CPNE9: variants seen among roughly 807,000 people sequenced by gnomAD.
CPNE9 encodes the protein copine family member 9.
Under a neutral mutation model 83.0 loss-of-function variants are expected in CPNE9, and 59 were observed. The ratio of observed to expected loss-of-function variants is 0.71; its 90% CI spans 0.58 to 0.88. The LOEUF (loss-of-function observed/expected upper bound fraction) is 0.88, where lower values mean the gene tolerates loss of function less well. CPNE9 is among the 40% of genes least tolerant of loss of function. CPNE9 has a pLI of 0.00. For missense variants in CPNE9, 619 were observed against 720.8 expected, an observed-to-expected ratio of 0.86 and a Z score of 1.62; for synonymous variants, 256 against 273.4, an observed-to-expected ratio of 0.94 and a Z score of 0.63.
At chr3:9,710,682 C>G (rs1356295928) in intron 7 of CPNE9, among the ~76,000 whole-genome samples, 2 of 152,104 alleles carry the variant, frequency 1.3e-5, no homozygotes, top group Non-Finnish European at 2.9e-5. Flanking sequence ...GTGGGTTAGG[C>G]AGAGTGAGGC....
chr3:9,715,190 C>A, intron 11 of CPNE9, 99 bp from the exon 12 acceptor site: 1 of 1,360,734 alleles, frequency 7.3e-7, no homozygotes, highest in Non-Finnish European at 1.0e-6. Flanking sequence ...TGCCCTGCAG[C>A]CTAAGTAGGG....
intron 17 of CPNE9, among the ~76,000 whole-genome samples, chr3:9,724,413 G>C (rs2076759305): frequency 6.6e-6 from 1 of 152,102 alleles, no homozygotes; most frequent in African/African-American, 2.4e-5. Flanking sequence ...GAAGAAATGT[G>C]GGGGAGAAGG....
intron 7 of CPNE9, among the ~76,000 whole-genome samples, chr3:9,709,267 C>A (rs2076598448): frequency 7.2e-6 from 1 of 138,900 alleles, no homozygotes; most frequent in Non-Finnish European, 1.5e-5. Context: ...CAGAGGGAGA[C>A]TCCATCTCAA....
At chr3:9,721,923 G>GT (rs570054741) in intron 17 of CPNE9, among the ~76,000 whole-genome samples, 2,722 of 144,376 alleles carry the variant, frequency 0.019, 24 homozygotes, top group African/African-American at 0.031. Flanking sequence ...TTTGTTTTTA[G>GT]TTTTTTTTTT....
chr3:9,726,994 G>A, intron 19 of CPNE9, 119 bp from the exon 20 acceptor site: 1 of 1,043,722 alleles, frequency 9.6e-7, no homozygotes, highest in Non-Finnish European at 1.5e-6. Context: ...ATATTTGTAG[G>A]ACTTGATCAC....
In CPNE9 at chr3:9,713,077, C is replaced by A. The variant is rs755791927; in HGVS notation, c.648C>A (p.Asp216Glu). 1 of 1,611,780 alleles carries A rather than the reference C, an allele frequency of 6.2e-7. No homozygotes were observed. Among genetic ancestry groups the A allele is most frequent in the Non-Finnish European group, 8.5e-7 (1 of 1,177,948 alleles). The change falls in exon 10 of 21, where the codon GAC becomes GAA. Residue 216 changes from aspartate (D) to glutamate (E), a missense_variant and splice_region_variant. By Grantham distance (45) the Asp-to-Glu change is conservative (BLOSUM62 2). Around this residue, in one of 3 missense-constraint regions of CPNE9, gnomAD observed 438 missense variants for 562.9 expected, o/e 0.78. Transcript: ENST00000383832. The part of the protein sequence containing the change: ...PVRALCNGDY[D>E]RTVKIDVYDW... Reference sequence around the variant, plus strand: ...GGGCTCTGTGCAATGGAGACTATGACAGGTTGGCTCCAGCATAAGCTGGGG... The same window carrying A: ...GGGCTCTGTGCAATGGAGACTATGAAAGGTTGGCTCCAGCATAAGCTGGGG...
Position 9,718,609 on chromosome 3 carries a change from G to A in CPNE9, c.1241+7G>A. The A allele has an allele frequency of 6.2e-7, 1 of 1,608,852 alleles. No homozygotes were observed. The highest frequency in any genetic ancestry group is 1.7e-4 in the Middle Eastern group (1 of 5,938). On this transcript the variant is annotated splice_region_variant and intron_variant, in intron 17 of 20. Transcript: ENST00000383832. ...TCATCAACCAAGTGGCCAGGTAAGG[G>A]AACTGGGTGGAAGCTGGGGGAAATG...
Position 9,704,143 on chromosome 3 carries a change from G to C in CPNE9, c.68+79G>C, listed in dbSNP as rs2076534173. 1.4e-6 allele frequency: 2 copies of C among 1,386,736 alleles called. No homozygotes were observed. The highest frequency in any genetic ancestry group is 4.0e-5 in the Admixed American group (2 of 49,768). 85.9% of individuals were successfully genotyped at this position (1,386,736 alleles called of 1,614,324 possible). On this transcript the variant is annotated intron_variant, in intron 1 of 20. Transcript: ENST00000383832. This position sits in a 1 kb window ranked among gnomAD's most constrained non-coding sequence, Gnocchi z 7.1. ...CCAGCCGCGGGGCTCAGCCTGGGCA[G>C]GGGCTAGACCCCCGGGGAGAGGCGA...
At position 9,704,576 on chromosome 3, in the gene CPNE9, C is replaced by G. The variant is rs866778091; in HGVS notation, c.69-11C>G. ...GATGATCCACTCTGTCTGTCTGTTG[C>G]TTTTCTCTAGGAACCTGCTAGACCT... On this transcript the variant is annotated splice_polypyrimidine_tract_variant and intron_variant, in intron 1 of 20. Transcript: ENST00000383832. This position sits in a 1 kb window ranked among gnomAD's most constrained non-coding sequence, Gnocchi z 7.1. 1.9e-5 allele frequency: 30 copies of G among 1,612,506 alleles called. No individual in the cohort carries two copies. The highest frequency in any genetic ancestry group is 2.5e-5 in the Non-Finnish European group (30 of 1,178,804).
Position 9,725,314 on chromosome 3 carries a change from C to A in CPNE9, c.1242-635C>A, listed in dbSNP as rs148992914. ...CTTTGAGAGGCTGAGGCAGGCGAAT[C>A]ACTTGAGGTCAGGAGTTTGAGACCA... On this transcript the variant is annotated intron_variant, in intron 17 of 20. Coordinates refer to ENST00000383832, the MANE Select transcript of CPNE9 (RefSeq NM_153635.3). 1.7e-3 allele frequency among the ~76,000 whole-genome samples: 251 copies of A among 152,074 alleles called. 1 individual carries two copies. The highest frequency in any genetic ancestry group is 5.8e-3 in the African/African-American group (241 of 41,460).
In CPNE9 at chr3:9,718,076, C is replaced by T; in HGVS notation, c.979C>T (p.Leu327Phe). Residue 327 changes from leucine to phenylalanine, a missense_variant, in exon 16 of 21, where the codon CTC becomes TTC. Around this residue, in one of 3 missense-constraint regions of CPNE9, gnomAD observed 438 missense variants for 562.9 expected, o/e 0.78. Coordinates refer to ENST00000383832, the MANE Select transcript of CPNE9 (RefSeq NM_153635.3). Reference sequence around the variant, plus strand: ...CCTGCACTACATGAGTCCCTACCAGCTCAGCGCCTATGCCATGGCCCTCAA... The same window carrying T: ...CCTGCACTACATGAGTCCCTACCAGTTCAGCGCCTATGCCATGGCCCTCAA... ...TSLHYMSPYQ[L>F]SAYAMALKAV... 1 of 1,614,106 alleles carries T rather than the reference C, an allele frequency of 6.2e-7. No individual in the cohort carries two copies. The highest frequency in any genetic ancestry group is 8.5e-7 in the Non-Finnish European group (1 of 1,179,970).
intron 17 of CPNE9, among the ~76,000 whole-genome samples, chr3:9,724,041 G>A (rs2076755327): frequency 6.6e-6 from 1 of 152,124 alleles, no homozygotes; most frequent in South Asian, 2.1e-4. Context: ...GGAACTGAAT[G>A]TTTAACTCTA....
In CPNE9 at chr3:9,704,032, G is replaced by A. The variant is rs1333572910; in HGVS notation, c.36G>A (p.Pro12=). 2 of 1,608,598 alleles carry A rather than the reference G, an allele frequency of 1.2e-6. No homozygotes were observed. The highest frequency in any genetic ancestry group is 8.5e-7 in the Non-Finnish European group (1 of 1,178,666). ...SLGGASERSV[P]ATKIEITVSC... Reference sequence around the variant, plus strand: ...GCGGAGCCTCCGAGCGCAGCGTCCCGGCCACCAAGATTGAAATTACCGTGT... The same window carrying A: ...GCGGAGCCTCCGAGCGCAGCGTCCCAGCCACCAAGATTGAAATTACCGTGT... Residue 12 remains proline, a synonymous_variant, in exon 1 of 21, where the codon CCG becomes CCA. Coordinates refer to ENST00000383832, the MANE Select transcript of CPNE9 (RefSeq NM_153635.3). The surrounding 1 kb of genome is among the most constrained non-coding windows in gnomAD (Gnocchi z 7.1).
intron 10 of CPNE9, among the ~76,000 whole-genome samples, chr3:9,713,308 G>T (rs2076648356): frequency 6.6e-6 from 1 of 152,224 alleles, no homozygotes; most frequent in Non-Finnish European, 1.5e-5. Flanking sequence ...GTAGGTGGAT[G>T]GGTAGATGAA....
At position 9,704,154 on chromosome 3, in the gene CPNE9, C is replaced by T; in HGVS notation, c.68+90C>T. 7.9e-7 allele frequency: 1 copy of T among 1,270,562 alleles called. No homozygotes were observed. Among genetic ancestry groups the T allele is most frequent in the African/African-American group, 1.5e-5 (1 of 66,084 alleles). 78.7% of individuals were successfully genotyped at this position (1,270,562 alleles called of 1,614,324 possible). A position where few individuals can be genotyped will look rare whatever the true frequency, so the allele number is the denominator to read the frequency against. Reference sequence around the variant, plus strand: ...GCTCAGCCTGGGCAGGGGCTAGACCCCCGGGGAGAGGCGAAATTGGCTGGA... The same window carrying T: ...GCTCAGCCTGGGCAGGGGCTAGACCTCCGGGGAGAGGCGAAATTGGCTGGA... On this transcript the variant is annotated intron_variant, in intron 1 of 20. Transcript: ENST00000383832. This position sits in a 1 kb window ranked among gnomAD's most constrained non-coding sequence, Gnocchi z 7.1.
intron 18 of CPNE9, among the ~76,000 whole-genome samples, 181 bp from the exon 19 acceptor site, chr3:9,726,483 CT>C (rs1417762282): frequency 6.6e-6 from 1 of 152,156 alleles, no homozygotes; most frequent in Non-Finnish European, 1.5e-5. Flanking sequence ...AATACTATAT[CT>C]TTCAAGGCTG....
chr3:9,716,738 C>T (rs1256327455), intron 14 of CPNE9, among the ~76,000 whole-genome samples: 2 of 152,236 alleles, frequency 1.3e-5, no homozygotes, highest in Non-Finnish European at 2.9e-5. Context: ...TCCCAAAGTG[C>T]TGATTACAGG....
intron 20 of CPNE9, among the ~76,000 whole-genome samples, chr3:9,728,291 C>G (rs927469812): frequency 1.2e-4 from 19 of 152,168 alleles, no homozygotes; most frequent in Non-Finnish European, 2.2e-4. Flanking sequence ...AGTTTGAGAC[C>G]AGCCTGGACA....
At chr3:9,709,534 A>G (rs2076603028) in intron 7 of CPNE9, among the ~76,000 whole-genome samples, 1 of 150,976 alleles carries the variant, frequency 6.6e-6, no homozygotes, top group East Asian at 2.1e-4. Flanking sequence ...GCGCCCAGCC[A>G]ATTTTTGTAG....
Sources: gnomAD v4.1 joint callset for allele counts (sites outside exome capture counted in the v4.1 genomes callset) on GRCh38, gnomAD v4.1.1 for gene constraint, gnomAD v4.1.1 regional missense constraint, Gnocchi (gnomAD v3.1) non-coding constraint, MANE v1.5 for transcripts, NCBI Gene and HGNC (gene_info 2026-07-23, HGNC 2026-07-21) for gene names.